The following GSDMD variants were observed in gnomAD, a reference collection of about 807,000 sequenced individuals.
GSDMD encodes gasdermin-D.
Under a neutral mutation model 46.7 loss-of-function variants are expected in GSDMD, and 46 were observed. The ratio of observed to expected loss-of-function variants is 0.99; its 90% confidence interval spans 0.78 to 1.26. The LOEUF is 1.26. GSDMD is among the 50% of genes most tolerant of loss of function. The pLI is 0.00. For synonymous variants in GSDMD, 307 were observed against 283.1 expected, an observed-to-expected ratio of 1.08 and a Z score of -0.85; for missense variants, 649 against 638.8, an observed-to-expected ratio of 1.02 and a Z score of -0.17.
upstream of GSDMD, among the ~76,000 whole-genome samples, chr8:143,557,417 G>A (rs796221559): frequency 0.049 from 5,957 of 121,044 alleles, 132 homozygotes; most frequent in Middle Eastern, 0.08. Context: ...TGCTGCCGCT[G>A]TGGCGAAGGA....
rs767872685 is a variant in GSDMD, at chr8:143,561,773, G to A, written c.768G>A (p.Trp256Ter). The change falls in exon 7 of 11, where the codon TGG becomes TGA. Residue 256 changes from tryptophan to a stop codon, truncating the protein, a stop_gained. Coordinates refer to ENST00000262580, the MANE Select transcript of GSDMD (RefSeq NM_024736.7). LOFTEE classifies it high-confidence loss of function. ...GHKRSTSEGA[W>*]PQLPSGLSMM... is the part of the protein sequence containing the mutation. ...AGCGTTCCACGAGCGAAGGCGCCTG[G>A]CCACAGCTGCCCTCTGGCCTCTCCA... 1.2e-6 allele frequency: 2 copies of A among 1,610,130 alleles called. No individual in the cohort carries two copies. The highest frequency in any genetic ancestry group is 4.5e-5 in the East Asian group (2 of 44,696).
At chr8:143,558,963 C>G (rs868124715) in intron 1 of GSDMD, 2 of 565,502 alleles carry the variant, frequency 3.5e-6, no homozygotes, top group African/African-American at 1.9e-5. Context: ...TGGTGACACT[C>G]TGGCTGGGTT....
At chr8:143,561,481 C>A in intron 6 of GSDMD, 58 bp downstream of exon 6, 1 of 1,513,750 alleles carries the variant, frequency 6.6e-7, no homozygotes. Flanking sequence ...ACTCCCTGGG[C>A]AGTTGAGGCC....
In GSDMD at chr8:143,560,650, G is replaced by A. The variant is rs371540960; in HGVS notation, c.458G>A (p.Arg153His). 3.1e-5 allele frequency: 50 copies of A among 1,590,562 alleles called. 1 individual carries two copies. The highest frequency in any genetic ancestry group is 1.7e-4 in the Middle Eastern group (1 of 6,052). ...EHKVLQQLRSRGDNVYVVTEV... is the reference protein window; with the variant it reads ...EHKVLQQLRSHGDNVYVVTEV... Reference sequence around the variant, plus strand: ...AAAGTCCTGCAGCAGCTGCGCAGCCGCGGGGACAACGTGTACGTGGTGACT... The same window carrying A: ...AAAGTCCTGCAGCAGCTGCGCAGCCACGGGGACAACGTGTACGTGGTGACT... The change falls in exon 4 of 11, where the codon CGC (arginine) becomes CAC (histidine). Residue 153 changes from arginine to histidine, a missense_variant. Physicochemically the swap from Arg to His is conservative, Grantham distance 29. Coordinates refer to ENST00000262580, the MANE Select transcript of GSDMD (RefSeq NM_024736.7).
upstream of GSDMD, among the ~76,000 whole-genome samples, chr8:143,555,577 T>C (rs1414287758): frequency 1.3e-5 from 2 of 152,116 alleles, no homozygotes; most frequent in African/African-American, 4.8e-5. Flanking sequence ...GCTCCTTCCA[T>C]CTTCACCATG....
At chr8:143,557,456 G>A (rs1038226027), upstream of GSDMD, among the ~76,000 whole-genome samples, 10 of 150,010 alleles carry the variant, frequency 6.7e-5, no homozygotes, top group African/African-American at 1.5e-4. Flanking sequence ...GGATGCTGCC[G>A]CTATGATGAA....
chr8:143,559,272 T>TAAG (rs1267894860), intron 1 of GSDMD, 60 bp from the exon 2 acceptor site: 37 of 638,408 alleles, frequency 5.8e-5, no homozygotes, highest in African/African-American at 5.5e-4. Context: ...TACTGACCCT[T>TAAG]CTCCCACTCC....
chr8:143,559,520 A>G lies in GSDMD; in HGVS notation c.185A>G (p.Lys62Arg). The G allele has an allele frequency of 6.2e-7, 1 of 1,612,848 alleles. No homozygotes were observed. Residue 62 changes from lysine (K) to arginine (R), a missense_variant, in exon 2 of 11, where the codon AAG becomes AGG. Transcript: ENST00000262580. ...PRYKCVNLSI[K>R]DILEPDAAEP... is the part of the protein sequence containing the mutation. ...TATAAGTGTGTCAACCTGTCTATCA[A>G]GGACATCCTGGAGCCGGATGCCGCG...
At position 143,561,746 on chromosome 8, in the gene GSDMD, C is replaced by T. The variant is rs376689699; in HGVS notation, c.741C>T (p.His247=). The T allele has an allele frequency of 1.2e-6, 2 of 1,606,566 alleles. No individual in the cohort carries two copies. Among genetic ancestry groups the T allele is most frequent in the African/African-American group, 1.3e-5 (1 of 74,850 alleles). ...QRTFQPPATG[H]KRSTSEGAWP... ...CCCTCCCATGCCCCTGCCCAGGCCA[C>T]AAGCGTTCCACGAGCGAAGGCGCCT... is the stretch of plus-strand genomic sequence containing the variant. The change falls in exon 7 of 11, where the codon CAC becomes CAT. Residue 247 remains histidine (H), a synonymous_variant. Coordinates refer to ENST00000262580, the MANE Select transcript of GSDMD (RefSeq NM_024736.7).
chr8:143,554,715 G>C (rs1039688806), upstream of GSDMD, among the ~76,000 whole-genome samples: 1 of 146,142 alleles, frequency 6.8e-6, no homozygotes, highest in African/African-American at 2.6e-5. Flanking sequence ...ATACAAACAG[G>C]CACACAACAC....
upstream of GSDMD, among the ~76,000 whole-genome samples, chr8:143,556,705 G>T (rs2130558228): frequency 1.3e-5 from 2 of 152,322 alleles, no homozygotes; most frequent in South Asian, 4.1e-4. Flanking sequence ...GGAGGGCCGG[G>T]TGGGAGGACT....
At chr8:143,554,859 C>G (rs549560092), upstream of GSDMD, among the ~76,000 whole-genome samples, 5 of 152,374 alleles carry the variant, frequency 3.3e-5, no homozygotes, top group East Asian at 9.6e-4. Context: ...AGCAAGGATT[C>G]TGGGCCCACA....
chr8:143,557,333 A>T (rs62523578), upstream of GSDMD, among the ~76,000 whole-genome samples: 20,084 of 42,264 alleles, frequency 0.48, 3,855 homozygotes, highest in Non-Finnish European at 0.58. Context: ...TGCTGCCGCT[A>T]TGGTGAAGGA....
Position 143,560,663 on chromosome 8 carries a change from G to A in GSDMD, c.471G>A (p.Val157=). ...LQQLRSRGDN[V]YVVTEVLQTQ... is the part of the protein sequence containing the mutation. ...AGCTGCGCAGCCGCGGGGACAACGT[G>A]TACGTGGTGACTGAGGTGCTGCAGA... The change falls in exon 4 of 11, where the codon GTG becomes GTA. Residue 157 remains valine, a synonymous_variant. Coordinates refer to ENST00000262580, the MANE Select transcript of GSDMD (RefSeq NM_024736.7). The A allele has an allele frequency of 1.3e-6, 2 of 1,589,774 alleles. No homozygotes were observed. The highest frequency in any genetic ancestry group is 1.7e-6 in the Non-Finnish European group (2 of 1,168,456).
At chr8:143,557,403 C>G (rs1326298364), upstream of GSDMD, among the ~76,000 whole-genome samples, 5 of 124,670 alleles carry the variant, frequency 4.0e-5, 1 homozygote, top group East Asian at 1.2e-3. Flanking sequence ...GCTGTGACGA[C>G]AGCTGCTGCC....
upstream of GSDMD, chr8:143,558,253 C>T (rs775143239): frequency 5.1e-5 from 70 of 1,373,634 alleles, no homozygotes; most frequent in Non-Finnish European, 6.5e-5. Context: ...GTGCTCCAGG[C>T]GGGCTGGCGG....
chr8:143,559,909 CAATG>C lies in GSDMD; in HGVS notation c.355_358del (p.Asn119CysfsTer4). ...GCGGTGTCTGACAGCTCCAGCACCT[CAATG>C]AATGTGTACTCGCTGAGTGTGGACC... On this transcript the variant is annotated frameshift_variant, in exon 3 of 11. Transcript: ENST00000262580. LOFTEE classifies it high-confidence loss of function. 6.2e-7 allele frequency: 1 copy of C among 1,612,814 alleles called. No individual in the cohort carries two copies. Among genetic ancestry groups the C allele is most frequent in the South Asian group, 1.1e-5 (1 of 91,078 alleles).
chr8:143,560,802 C>T, intron 4 of GSDMD, 31 bp downstream of exon 4: 1 of 1,493,190 alleles, frequency 6.7e-7, no homozygotes, highest in East Asian at 2.6e-5. Context: ...CACGCCTGGC[C>T]CCCCACGTGG....
intron 6 of GSDMD, 42 bp from the exon 7 acceptor site, chr8:143,561,700 C>A: frequency 2.0e-6 from 3 of 1,507,068 alleles, no homozygotes; most frequent in Non-Finnish European, 1.8e-6. Flanking sequence ...AGACACCCTT[C>A]CCCGGCACTG....
Sources: gnomAD v4.1 joint callset for allele counts (sites outside exome capture counted in the v4.1 genomes callset) on GRCh38, gnomAD v4.1.1 for gene constraint, MANE v1.5 for transcripts, NCBI Gene and HGNC (gene_info 2026-07-23, HGNC 2026-07-21) for gene names.